Variants in MALRD1 observed in about 807,000 individuals in gnomAD.
The protein encoded by MALRD1 is MAM and LDL receptor class A domain containing 1.
Under a neutral mutation model 242.1 loss-of-function variants are expected in MALRD1, and 247 were observed. That is an observed-to-expected ratio of 1.02 (90% CI 0.92 to 1.13). The LOEUF (loss-of-function observed/expected upper bound fraction) is 1.13, where lower values mean the gene tolerates loss of function less well. Ranked by LOEUF, MALRD1 falls within the 50% of genes most tolerant of loss-of-function variation. The probability of loss-of-function intolerance (pLI) is 0.00; values close to 1 mark genes in which losing one functional copy is unlikely to be tolerated. For synonymous variants in MALRD1, 995 were observed against 866.6 expected (o/e 1.15, Z -2.60); for missense variants, 2,989 against 2,533.1 (o/e 1.18, Z -3.86).
At chr10:19,533,729 A>G (rs1282600837) in intron 32 of MALRD1, among the ~76,000 whole-genome samples, 1 of 152,196 alleles carries the variant, frequency 6.6e-6, no homozygotes, top group Admixed American at 6.5e-5. Flanking sequence ...GCATCCAGCC[A>G]TGACAGATCT....
chr10:19,189,427 A>C (rs1835880995), intron 14 of MALRD1, among the ~76,000 whole-genome samples: 1 of 152,162 alleles, frequency 6.6e-6, no homozygotes, highest in African/African-American at 2.4e-5. Flanking sequence ...TTTTCCAAAA[A>C]ATTGAAGACA....
intron 4 of MALRD1, among the ~76,000 whole-genome samples, chr10:19,103,037 C>T (rs1332643530): frequency 4.6e-5 from 7 of 151,710 alleles, no homozygotes; most frequent in African/African-American, 9.7e-5. Context: ...TTAGTAGAGA[C>T]GGGGTTTCAC....
Position 19,316,726 on chromosome 10 carries a change from G to T in MALRD1, c.3420-7223G>T, listed in dbSNP as rs73593866. 8.2e-3 allele frequency among the ~76,000 whole-genome samples: 1,239 copies of T among 151,802 alleles called. 24 individuals carry two copies. The highest frequency in any genetic ancestry group is 0.028 in the African/African-American group (1,168 of 41,364). On this transcript the variant is annotated intron_variant, in intron 21 of 39. Transcript: ENST00000454679. The stretch of plus-strand genomic sequence containing the variant: ...ATTTGTGGGATCTGGACATAAAACA[G>T]TTGAACTCATGGAGATACAGAATAG...
chr10:19,694,451 A>C (rs1833268152), intron 38 of MALRD1, among the ~76,000 whole-genome samples: 2 of 152,222 alleles, frequency 1.3e-5, no homozygotes, highest in Admixed American at 1.3e-4. Flanking sequence ...ACATTTATGC[A>C]GCCAACAGAC....
intron 33 of MALRD1, among the ~76,000 whole-genome samples, chr10:19,579,050 A>C (rs192587285): frequency 6.6e-6 from 1 of 152,218 alleles, no homozygotes; most frequent in Non-Finnish European, 1.5e-5. Flanking sequence ...GTCGTATACA[A>C]TACTCTAAAG....
chr10:19,534,327 C>T (rs1208924769), intron 32 of MALRD1, among the ~76,000 whole-genome samples: 2 of 152,154 alleles, frequency 1.3e-5, no homozygotes, highest in South Asian at 4.1e-4. Context: ...CCTAAGCATG[C>T]AGTAATTTTA....
chr10:19,348,300 T>A (rs1844221988), intron 25 of MALRD1, among the ~76,000 whole-genome samples: 1 of 152,118 alleles, frequency 6.6e-6, no homozygotes, highest in Admixed American at 6.6e-5. Flanking sequence ...CCATGTATAA[T>A]ACAGAAGAAG....
chr10:19,276,804 C>T (rs992532451), intron 19 of MALRD1, among the ~76,000 whole-genome samples: 5 of 152,000 alleles, frequency 3.3e-5, no homozygotes, highest in Non-Finnish European at 5.9e-5. Context: ...ATAAAGTTTC[C>T]AACCTGTTAG....
At chr10:19,700,083 T>C (rs1046634391) in intron 38 of MALRD1, among the ~76,000 whole-genome samples, 2 of 149,484 alleles carry the variant, frequency 1.3e-5, no homozygotes, top group Admixed American at 6.7e-5. Context: ...ACTGTCACCA[T>C]GAAGGCCACA....
Position 19,286,285 on chromosome 10 carries a change from A to C in MALRD1, c.3419+3104A>C, listed in dbSNP as rs1044945229. On this transcript the variant is annotated intron_variant, in intron 21 of 39. Coordinates refer to ENST00000454679, the MANE Select transcript of MALRD1 (RefSeq NM_001142308.3). ...GATTGCCCTGGCCAGAACTTCCAAC[A>C]CTATGTTGAATAGGAGCAGTGAGAG... Among the ~76,000 whole-genome samples the C allele has an allele frequency of 1.9e-3, 279 of 148,208 alleles. 1 individual carries two copies. Among genetic ancestry groups the C allele is most frequent in the Non-Finnish European group, 2.3e-3 (151 of 67,108 alleles).
intron 38 of MALRD1, among the ~76,000 whole-genome samples, 170 bp downstream of exon 38, chr10:19,692,724 G>A (rs766254843): frequency 6.7e-6 from 1 of 150,332 alleles, no homozygotes; most frequent in Non-Finnish European, 1.5e-5. Flanking sequence ...TACCTAACAA[G>A]AATTTCTCTT....
intron 18 of MALRD1, among the ~76,000 whole-genome samples, chr10:19,225,009 A>G (rs1479968828): frequency 6.6e-6 from 1 of 151,950 alleles, no homozygotes; most frequent in Non-Finnish European, 1.5e-5. Flanking sequence ...TGAGTTAATT[A>G]TTTTATAAGG....
At chr10:19,583,326 T>C (rs1395394654) in intron 33 of MALRD1, among the ~76,000 whole-genome samples, 3 of 149,434 alleles carry the variant, frequency 2.0e-5, no homozygotes, top group Admixed American at 6.7e-5. Flanking sequence ...ATGCTTCCAG[T>C]TTTTGCCCAT....
chr10:19,656,304 T>A (rs1841150350), intron 36 of MALRD1, among the ~76,000 whole-genome samples: 1 of 152,188 alleles, frequency 6.6e-6, no homozygotes, highest in African/African-American at 2.4e-5. Context: ...AAAATATCTA[T>A]GAAAGTTCAA....
chr10:19,421,599 T>G (rs866552530), intron 28 of MALRD1, among the ~76,000 whole-genome samples: 1 of 152,220 alleles, frequency 6.6e-6, no homozygotes, highest in Admixed American at 6.5e-5. Flanking sequence ...ATTTCATTAT[T>G]GCAAATTTTG....
intron 26 of MALRD1, among the ~76,000 whole-genome samples, chr10:19,376,761 T>C (rs1845625877): frequency 6.6e-6 from 1 of 151,820 alleles, no homozygotes; most frequent in South Asian, 2.1e-4. Context: ...CCATCTTTAT[T>C]AGAGACGGGG....
chr10:19,131,553 A>G (rs1258792470), intron 8 of MALRD1, among the ~76,000 whole-genome samples: 2 of 152,138 alleles, frequency 1.3e-5, no homozygotes, highest in African/African-American at 4.8e-5. Context: ...TTACCAATAA[A>G]TTTACATGTA....
At chr10:19,479,513 T>C (rs1836892075) in intron 29 of MALRD1, among the ~76,000 whole-genome samples, 1 of 152,182 alleles carries the variant, frequency 6.6e-6, no homozygotes, top group Admixed American at 6.5e-5. Flanking sequence ...GTAAGTGACA[T>C]AAGAATTGTA....
At chr10:19,558,867 C>A (rs1835840029) in intron 32 of MALRD1, among the ~76,000 whole-genome samples, 1 of 152,038 alleles carries the variant, frequency 6.6e-6, no homozygotes, top group Admixed American at 6.6e-5. Flanking sequence ...TCTAGATTAT[C>A]AAATATATGG....
Sources: gnomAD v4.1 joint callset for allele counts (sites outside exome capture counted in the v4.1 genomes callset) on GRCh38, gnomAD v4.1.1 for gene constraint, MANE v1.5 for transcripts, NCBI Gene and HGNC (gene_info 2026-07-23, HGNC 2026-07-21) for gene names.